The following MAGI2 variants were observed in gnomAD, a reference collection of about 807,000 sequenced individuals.
MAGI2 encodes the protein membrane associated guanylate kinase, WW and PDZ domain containing 2.
A neutral mutation model predicts 133.3 loss-of-function variants in MAGI2; 35 were observed. That is an observed-to-expected ratio of 0.26 (90% CI 0.20 to 0.35). MAGI2 has a LOEUF of 0.35. Among genes scored for constraint, MAGI2 ranks in the 10% least tolerant of loss-of-function variants. MAGI2 has a pLI of 1.00. For synonymous variants in MAGI2, 729 were observed against 710.6 expected (o/e 1.03, Z -0.41); for missense variants, 1,636 against 1,863.4 (o/e 0.88, Z 2.25).
At chr7:78,478,751 A>G (rs1792046633) in intron 6 of MAGI2, among the ~76,000 whole-genome samples, 1 of 152,008 alleles carries the variant, frequency 6.6e-6, no homozygotes, top group Non-Finnish European at 1.5e-5. Flanking sequence ...TAGGAAATGA[A>G]CCACAGCAAA....
chr7:78,392,722 C>T (rs1796007393), intron 6 of MAGI2, among the ~76,000 whole-genome samples: 1 of 152,208 alleles, frequency 6.6e-6, no homozygotes, highest in Non-Finnish European at 1.5e-5. Context: ...TGGCTCACTG[C>T]AACCTCCGCC....
chr7:79,137,453 T>TTG (rs1554376820), intron 1 of MAGI2, among the ~76,000 whole-genome samples: 9 of 149,306 alleles, frequency 6.0e-5, no homozygotes, highest in Non-Finnish European at 5.9e-5. Context: ...GTTTTTTGTT[T>TTG]TTTTTTTTTT....
intron 1 of MAGI2, among the ~76,000 whole-genome samples, chr7:79,417,695 AAAT>A (rs1396851365): frequency 6.6e-6 from 1 of 152,140 alleles, no homozygotes; most frequent in African/African-American, 2.4e-5. Context: ...GGTGCTGCTT[AAAT>A]AATATTGTCC....
intron 6 of MAGI2, among the ~76,000 whole-genome samples, chr7:78,450,775 A>G (rs1332677012): frequency 6.6e-6 from 1 of 152,080 alleles, no homozygotes; most frequent in African/African-American, 2.4e-5. Flanking sequence ...AGGGATGTGG[A>G]ACTAAGGTCA....
intron 2 of MAGI2, among the ~76,000 whole-genome samples, chr7:78,789,170 C>G (rs1240805561): frequency 6.6e-6 from 1 of 152,126 alleles, no homozygotes; most frequent in African/African-American, 2.4e-5. Flanking sequence ...AAAATCTCCT[C>G]TTTGTTCCTG....
chr7:79,368,846 T>TA (rs1842889935), intron 1 of MAGI2, among the ~76,000 whole-genome samples: 1 of 36,648 alleles, frequency 2.7e-5, no homozygotes. Context: ...AGACTCCGTC[T>TA]CAAAAAAAAA....
At chr7:78,338,892 GC>G (rs1487430389) in intron 9 of MAGI2, among the ~76,000 whole-genome samples, 1 of 152,094 alleles carries the variant, frequency 6.6e-6, no homozygotes, top group Non-Finnish European at 1.5e-5. Context: ...TGTAGTCCTA[GC>G]TACTTGGAAG....
At chr7:78,060,017 T>C (rs1490061166) in intron 21 of MAGI2, among the ~76,000 whole-genome samples, 1 of 152,174 alleles carries the variant, frequency 6.6e-6, no homozygotes, top group Non-Finnish European at 1.5e-5. Context: ...ATGGCATTTC[T>C]GTAGCCCAGC....
chr7:78,360,505 C>T (rs866953296), intron 7 of MAGI2, among the ~76,000 whole-genome samples: 81 of 152,162 alleles, frequency 5.3e-4, no homozygotes, highest in African/African-American at 1.9e-3. Flanking sequence ...CTGCAGTTCA[C>T]GCACAAGAAG....
At chr7:78,157,115 A>T (rs567884991) in intron 16 of MAGI2, among the ~76,000 whole-genome samples, 1 of 152,326 alleles carries the variant, frequency 6.6e-6, no homozygotes, top group Non-Finnish European at 1.5e-5. Flanking sequence ...GTTAAGTATG[A>T]GGTAGCATCA....
intron 2 of MAGI2, among the ~76,000 whole-genome samples, chr7:78,668,570 A>G (rs907146906): frequency 5.9e-5 from 9 of 151,570 alleles, no homozygotes; most frequent in Non-Finnish European, 8.8e-5. Flanking sequence ...TAATTTTTGT[A>G]TAAGGTGTAA....
At chr7:79,186,124 T>C (rs1182802308) in intron 1 of MAGI2, among the ~76,000 whole-genome samples, 1 of 149,628 alleles carries the variant, frequency 6.7e-6, no homozygotes, top group Admixed American at 6.8e-5. Context: ...CATAAATGCA[T>C]AGGATTACAC....
chr7:78,925,608 T>C (rs1324356447), intron 2 of MAGI2, among the ~76,000 whole-genome samples: 1 of 152,060 alleles, frequency 6.6e-6, no homozygotes. Flanking sequence ...TTTCCAGAAG[T>C]GTGTGATGAG....
chr7:78,925,550 T>C (rs1799630248), intron 2 of MAGI2, among the ~76,000 whole-genome samples: 1 of 152,140 alleles, frequency 6.6e-6, no homozygotes, highest in East Asian at 1.9e-4. Context: ...CAAAACCATA[T>C]GCATGCTAAG....
intron 21 of MAGI2, among the ~76,000 whole-genome samples, chr7:78,021,058 T>TA (rs1186207668): frequency 6.6e-6 from 1 of 152,060 alleles, no homozygotes; most frequent in African/African-American, 2.4e-5. Context: ...ACTTTTTTTT[T>TA]AAAGCAACAG....
chr7:78,140,193 C>T (rs1822605703), intron 16 of MAGI2, among the ~76,000 whole-genome samples: 1 of 152,190 alleles, frequency 6.6e-6, no homozygotes, highest in African/African-American at 2.4e-5. Context: ...ATAAAGAAGA[C>T]AGGATGTTTA....
At chr7:79,079,906 A>G (rs1165895375) in intron 1 of MAGI2, among the ~76,000 whole-genome samples, 4 of 152,120 alleles carry the variant, frequency 2.6e-5, no homozygotes, top group Non-Finnish European at 5.9e-5. Context: ...ATTGGTACCT[A>G]AGGCTTTAGT....
chr7:79,230,630 G>C (rs1173112366), intron 1 of MAGI2, among the ~76,000 whole-genome samples: 1 of 149,572 alleles, frequency 6.7e-6, no homozygotes, highest in Non-Finnish European at 1.5e-5. Context: ...CCCACTTTTT[G>C]ATGGGGTTGT....
chr7:78,349,705 C>T (rs1791295591), intron 7 of MAGI2, among the ~76,000 whole-genome samples: 1 of 152,148 alleles, frequency 6.6e-6, no homozygotes, highest in Non-Finnish European at 1.5e-5. Flanking sequence ...TGCTACAGAA[C>T]ATTTCCATTG....
Sources: gnomAD v4.1 joint callset for allele counts (sites outside exome capture counted in the v4.1 genomes callset) on GRCh38, gnomAD v4.1.1 for gene constraint, MANE v1.5 for transcripts, NCBI Gene and HGNC (gene_info 2026-07-23, HGNC 2026-07-21) for gene names.